Variants in SASH1 observed in about 807,000 individuals in gnomAD.
SASH1 encodes the protein SAM and SH3 domain-containing protein 1.
Under a neutral mutation model 125.2 loss-of-function variants are expected in SASH1, and 44 were observed. That is an observed-to-expected ratio of 0.35 (90% CI 0.28 to 0.45). SASH1 has a LOEUF of 0.45. Among genes scored for constraint, SASH1 ranks in the 20% least tolerant of loss-of-function variants. SASH1 has a pLI of 1.00. For missense variants in SASH1, 1,426 were observed against 1,614.5 expected (o/e 0.88, Z 2.00); for synonymous variants, 639 against 649.1 (o/e 0.98, Z 0.24).
chr6:148,395,578 A>T (rs931504733), intron 2 of SASH1, among the ~76,000 whole-genome samples: 3 of 152,208 alleles, frequency 2.0e-5, no homozygotes, highest in East Asian at 1.9e-4. Flanking sequence ...ATTCACATTT[A>T]TAACTATGGT....
intron 1 of SASH1, among the ~76,000 whole-genome samples, chr6:148,312,038 T>TCAAAAAGC (rs1780345015): frequency 6.6e-6 from 1 of 152,144 alleles, no homozygotes. Flanking sequence ...GGATCCAGAC[T>TCAAAAAGC]CAAAAAGCTG....
chr6:148,267,481 C>G (rs1244254876), upstream of SASH1, among the ~76,000 whole-genome samples: 11 of 151,894 alleles, frequency 7.2e-5, no homozygotes. Context: ...TGAGTTCAAG[C>G]AATTCTCCTG....
the SASH1 span, among the ~76,000 whole-genome samples, chr6:148,260,121 C>T: frequency 6.6e-6 from 1 of 152,122 alleles, no homozygotes; most frequent in Non-Finnish European, 1.5e-5. Flanking sequence ...TAAAAACCAA[C>T]ATTTTTCTTT....
At chr6:148,228,474 A>G in the SASH1 span, among the ~76,000 whole-genome samples, 1 of 152,232 alleles carries the variant, frequency 6.6e-6, no homozygotes, top group African/African-American at 2.4e-5. Flanking sequence ...TCTCAAGAGT[A>G]GTACAAACAA....
Position 148,428,404 on chromosome 6 carries a change from G to A in SASH1, c.286-11780G>A, listed in dbSNP as rs369274394. ...AGCACTTTGGGAGGCCAAGGCAGGC[G>A]GATCTTAACTTGAGGTTAAGAGTTC... On this transcript the variant is annotated intron_variant, in intron 2 of 19. Transcript: ENST00000367467. Among the ~76,000 whole-genome samples, 58 of 152,274 alleles carry A rather than the reference G, an allele frequency of 3.8e-4. 1 individual carries two copies. In the South Asian group the frequency reaches 0.012, roughly 31 times the overall value.
At chr6:148,526,369 G>A (rs1002684940) in intron 11 of SASH1, among the ~76,000 whole-genome samples, 8 of 152,188 alleles carry the variant, frequency 5.3e-5, no homozygotes, top group African/African-American at 1.9e-4. Context: ...CCTTTGGTGA[G>A]TCTTACATGT....
chr6:148,516,524 A>G (rs1780452251), intron 9 of SASH1, among the ~76,000 whole-genome samples: 1 of 114,600 alleles, frequency 8.7e-6, no homozygotes, highest in South Asian at 3.3e-4. Flanking sequence ...CCGCCCTTGG[A>G]CTTACAAAGG....
chr6:148,223,035 CA>C, the SASH1 span, among the ~76,000 whole-genome samples: 1 of 152,184 alleles, frequency 6.6e-6, no homozygotes, highest in Admixed American at 6.5e-5. Context: ...ATATGGTCAT[CA>C]TCCTGAAACA....
intron 1 of SASH1, among the ~76,000 whole-genome samples, chr6:148,308,272 C>CCA (rs1554232489): frequency 2.7e-3 from 375 of 139,878 alleles, no homozygotes; most frequent in African/African-American, 8.2e-3. Flanking sequence ...GATATTAAAT[C>CCA]CGCCCCCCCC....
intron 7 of SASH1, among the ~76,000 whole-genome samples, chr6:148,477,314 G>A (rs138059044): frequency 1.0e-3 from 155 of 152,116 alleles, no homozygotes; most frequent in African/African-American, 3.0e-3. Context: ...CAAACTAACC[G>A]TCTGACAAAG....
intron 1 of SASH1, among the ~76,000 whole-genome samples, chr6:148,348,220 C>T (rs1319347194): frequency 1.3e-5 from 2 of 152,102 alleles, no homozygotes; most frequent in African/African-American, 4.8e-5. Context: ...TCTCAAATCC[C>T]TGGCCACAAG....
chr6:148,244,912 GTGTGTGTGTGTGTGTGTGTA>G, the SASH1 span, among the ~76,000 whole-genome samples: 3 of 141,144 alleles, frequency 2.1e-5, no homozygotes, highest in African/African-American at 5.3e-5. Context: ...GCATGTGTGT[GTGTGTGTGTGTGTGTGTGTA>G]TGTGTGTGTG....
the SASH1 span, among the ~76,000 whole-genome samples, chr6:148,206,467 A>T: frequency 1.3e-5 from 2 of 152,182 alleles, no homozygotes; most frequent in African/African-American, 4.8e-5. Flanking sequence ...AGCCAATATA[A>T]CTTGCCATAA....
At chr6:148,487,088 T>TACACAC (rs757099589) in intron 7 of SASH1, among the ~76,000 whole-genome samples, 1,427 of 101,662 alleles carry the variant, frequency 0.014, 32 homozygotes, top group Non-Finnish European at 0.023. Flanking sequence ...ATAACACATA[T>TACACAC]ATATACACAC....
At chr6:148,491,714 T>C (rs1369707474) in intron 8 of SASH1, among the ~76,000 whole-genome samples, 1 of 152,164 alleles carries the variant, frequency 6.6e-6, no homozygotes, top group Non-Finnish European at 1.5e-5. Context: ...CCCAATTTCC[T>C]GAATCAAGCA....
At chr6:148,307,103 T>G (rs1331813237) in intron 1 of SASH1, among the ~76,000 whole-genome samples, 1 of 150,096 alleles carries the variant, frequency 6.7e-6, no homozygotes, top group Admixed American at 6.7e-5. Context: ...TTTCTCTCTC[T>G]CTGTCTCTTT....
intron 9 of SASH1, among the ~76,000 whole-genome samples, chr6:148,516,563 T>C (rs1385047884): frequency 7.1e-6 from 1 of 140,088 alleles, no homozygotes; most frequent in African/African-American, 2.7e-5. Context: ...TGCGTGCCTG[T>C]GCTAATACCA....
intron 1 of SASH1, among the ~76,000 whole-genome samples, chr6:148,272,814 C>T (rs914000709): frequency 3.9e-5 from 6 of 152,220 alleles, no homozygotes; most frequent in Non-Finnish European, 5.9e-5. Flanking sequence ...CCCAGGGGAT[C>T]GGGACCATCC....
At chr6:148,256,621 T>C in the SASH1 span, among the ~76,000 whole-genome samples, 8 of 152,184 alleles carry the variant, frequency 5.3e-5, no homozygotes, top group Admixed American at 3.9e-4. Flanking sequence ...CATAGTACCA[T>C]AGATTATTTT....
Sources: allele counts gnomAD v4.1 joint callset (sites outside exome capture counted in the v4.1 genomes callset), GRCh38; gene constraint gnomAD v4.1.1; transcripts MANE v1.5; gene names NCBI Gene and HGNC (gene_info 2026-07-23, HGNC 2026-07-21).